The following YTHDC2 variants were observed in gnomAD, a reference collection of about 807,000 sequenced individuals.
YTHDC2 encodes the protein 3'-5' RNA helicase YTHDC2.
Under a neutral mutation model 174.9 loss-of-function variants are expected in YTHDC2, and 45 were observed. The observed-to-expected ratio is 0.26, with a 90% CI of 0.20 to 0.33. YTHDC2 has a LOEUF of 0.33. Ranked by LOEUF, YTHDC2 falls within the 10% of genes least tolerant of loss-of-function variation. The pLI is 1.00. For missense variants in YTHDC2, 1,650 were observed against 1,723.7 expected, an observed-to-expected ratio of 0.96 and a Z score of 0.76; for synonymous variants, 657 against 574.5, an observed-to-expected ratio of 1.14 and a Z score of -2.05.
At position 113,587,502 on chromosome 5, in the gene YTHDC2, A is replaced by T. The variant is rs990621668; in HGVS notation, c.3825+3023A>T. ...TATTATGTATTCATATAATATATAT[A>T]ATGTATTTATATGTAATATATATTA... On this transcript the variant is annotated intron_variant, in intron 26 of 29. Coordinates refer to ENST00000161863, the MANE Select transcript of YTHDC2 (RefSeq NM_022828.5). Among the ~76,000 whole-genome samples the T allele has an allele frequency of 4.3e-4, 57 of 132,344 alleles. 13 individuals are homozygous for T. The highest frequency in any genetic ancestry group is 4.9e-4 in the African/African-American group (17 of 34,770). The allele number at this position is 132,344 out of a possible 152,430, so 86.8% of individuals were successfully genotyped here.
chr5:113,523,486 TC>T (rs1427228491), intron 2 of YTHDC2, among the ~76,000 whole-genome samples: 7 of 152,072 alleles, frequency 4.6e-5, no homozygotes, highest in African/African-American at 1.7e-4. Context: ...TTCAGAAAGG[TC>T]CGTGGGAAAA....
intron 16 of YTHDC2, 75 bp from the exon 17 acceptor site, chr5:113,555,977 A>G: frequency 1.2e-6 from 1 of 844,882 alleles, no homozygotes; most frequent in East Asian, 2.8e-5. Flanking sequence ...ATGTTAAAAT[A>G]TGTTGATAAC....
intron 1 of YTHDC2, 30 bp downstream of exon 1, chr5:113,514,112 A>G (rs778726105): frequency 2.1e-5 from 33 of 1,599,394 alleles, no homozygotes; most frequent in Non-Finnish European, 2.8e-5. Context: ...CCATGCTGGC[A>G]GTCAGGATAC....
chr5:113,564,951 T>G (rs1777233228), intron 20 of YTHDC2, among the ~76,000 whole-genome samples: 1 of 151,986 alleles, frequency 6.6e-6, no homozygotes, highest in African/African-American at 2.4e-5. Flanking sequence ...GTAGCTGGGG[T>G]TACAGGCACC....
chr5:113,514,145 A>C, intron 1 of YTHDC2, 63 bp downstream of exon 1: 1 of 1,543,710 alleles, frequency 6.5e-7, no homozygotes, highest in Non-Finnish European at 8.7e-7. Context: ...AGCGCCCCCC[A>C]AACGGCGGCC....
chr5:113,521,165 A>G (rs997119932), intron 2 of YTHDC2, among the ~76,000 whole-genome samples: 5 of 152,194 alleles, frequency 3.3e-5, no homozygotes, highest in African/African-American at 9.7e-5. Context: ...CCAGTCTACC[A>G]TGGATCATAA....
intron 18 of YTHDC2, 116 bp from the exon 19 acceptor site, chr5:113,563,257 C>A: frequency 2.4e-6 from 2 of 840,562 alleles, no homozygotes; most frequent in Non-Finnish European, 3.4e-6. Flanking sequence ...ACTGTTCATT[C>A]TAATCAGAGA....
At chr5:113,593,045 C>T in intron 28 of YTHDC2, 1 of 290,796 alleles carries the variant, frequency 3.4e-6, no homozygotes, top group East Asian at 5.7e-5. Context: ...AGTTCCAGGA[C>T]TCCATGGGAA....
chr5:113,514,124 C>T (rs372177291), intron 1 of YTHDC2, 42 bp downstream of exon 1: 80 of 1,584,258 alleles, frequency 5.0e-5, no homozygotes, highest in Non-Finnish European at 6.8e-5. Context: ...TCAGGATACC[C>T]CCCTCACCCC....
rs370092984 is a variant in YTHDC2, at chr5:113,556,190, A to G, written c.2216+56A>G. 32 of 930,136 alleles carry G rather than the reference A, an allele frequency of 3.4e-5. 1 individual carries two copies. The highest frequency in any genetic ancestry group is 8.2e-5 in the African/African-American group (5 of 61,096). The allele number at this position is 930,136 out of a possible 1,614,324, so 57.6% of individuals were successfully genotyped here. A position where few individuals can be genotyped will look rare whatever the true frequency, so the allele number is the denominator to read the frequency against. On this transcript the variant is annotated intron_variant, in intron 17 of 29. Transcript: ENST00000161863. Reference sequence around the variant, plus strand: ...TTGCCTGTAAAATGGAAACGTTTTTATATGCATTACACATTTATCATATAT... The same window carrying G: ...TTGCCTGTAAAATGGAAACGTTTTTGTATGCATTACACATTTATCATATAT...
chr5:113,557,671 G>A (rs1451882307), intron 17 of YTHDC2, among the ~76,000 whole-genome samples: 1 of 152,172 alleles, frequency 6.6e-6, no homozygotes, highest in Non-Finnish European at 1.5e-5. Context: ...GCACAGGCCT[G>A]TGGGCCTAGC....
intron 21 of YTHDC2, among the ~76,000 whole-genome samples, chr5:113,566,446 CTTT>C (rs34372128): frequency 3.3e-5 from 4 of 122,428 alleles, no homozygotes; most frequent in Non-Finnish European, 5.1e-5. Context: ...TTGAAGTCAC[CTTT>C]TTTTTTTTTT....
chr5:113,562,611 T>G (rs1179989506), intron 18 of YTHDC2, among the ~76,000 whole-genome samples: 1 of 152,150 alleles, frequency 6.6e-6, no homozygotes, highest in East Asian at 1.9e-4. Context: ...CTTACACCAT[T>G]GGTTTTAGTT....
At chr5:113,548,470 T>C in intron 10 of YTHDC2, 71 bp from the exon 11 acceptor site, 2 of 1,455,916 alleles carry the variant, frequency 1.4e-6, no homozygotes, top group Non-Finnish European at 1.8e-6. Flanking sequence ...CTATTTCAGA[T>C]TTTTTAAAGA....
Position 113,548,655 on chromosome 5 carries a change from C to T in YTHDC2, c.1610C>T (p.Ala537Val). Residue 537 changes from alanine to valine, a missense_variant, in exon 11 of 30, where the codon GCA becomes GTA. This residue lies in a region of YTHDC2 where 411 missense variants were observed against 380.6 expected (regional missense o/e 1.08). Coordinates refer to ENST00000161863, the MANE Select transcript of YTHDC2 (RefSeq NM_022828.5). Reference protein sequence around the residue: ...ISMGANVHSKASNGWMALDWA... With the variant: ...ISMGANVHSKVSNGWMALDWA... ...ATGGGAGCCAATGTCCATAGTAAAGCATCAAATGGCTGGTAATTTTAAACT... is the reference window on the plus strand; with the variant it reads ...ATGGGAGCCAATGTCCATAGTAAAGTATCAAATGGCTGGTAATTTTAAACT... 6.2e-7 allele frequency: 1 copy of T among 1,606,632 alleles called. No homozygotes were observed. The highest frequency in any genetic ancestry group is 8.5e-7 in the Non-Finnish European group (1 of 1,177,596).
At chr5:113,514,730 A>T (rs1277741195) in intron 1 of YTHDC2, among the ~76,000 whole-genome samples, 1 of 152,178 alleles carries the variant, frequency 6.6e-6, no homozygotes, top group East Asian at 1.9e-4. Flanking sequence ...AATGTTCTAG[A>T]CAGAGAGATT....
intron 2 of YTHDC2, 97 bp from the exon 3 acceptor site, chr5:113,524,884 C>A: frequency 1.1e-6 from 1 of 887,646 alleles, no homozygotes; most frequent in Non-Finnish European, 1.6e-6. Flanking sequence ...TGATTTTTTT[C>A]AGTGTTTTGC....
At chr5:113,522,446 A>C (rs998711557) in intron 2 of YTHDC2, among the ~76,000 whole-genome samples, 3 of 152,070 alleles carry the variant, frequency 2.0e-5, no homozygotes, top group Non-Finnish European at 4.4e-5. Flanking sequence ...TTATTTTTCG[A>C]AAGTTAGGTG....
At chr5:113,558,860 T>C (rs759880820) in intron 17 of YTHDC2, among the ~76,000 whole-genome samples, 2 of 147,944 alleles carry the variant, frequency 1.4e-5, no homozygotes, top group Non-Finnish European at 3.0e-5. Context: ...AGGCAGAGGC[T>C]GCATTGAGCC....
Sources: gnomAD v4.1 joint callset for allele counts (sites outside exome capture counted in the v4.1 genomes callset) on GRCh38, gnomAD v4.1.1 for gene constraint, gnomAD v4.1.1 regional missense constraint, MANE v1.5 for transcripts, NCBI Gene and HGNC (gene_info 2026-07-23, HGNC 2026-07-21) for gene names.